The following ZBTB10 variants were observed in gnomAD, a reference collection of about 807,000 sequenced individuals.
ZBTB10 encodes the protein zinc finger and BTB domain-containing protein 10.
Under a neutral mutation model 76.4 loss-of-function variants are expected in ZBTB10, and 32 were observed. That is an observed-to-expected ratio of 0.42 (90% CI 0.32 to 0.56). The LOEUF is 0.56. ZBTB10 is among the 20% of genes least tolerant of loss of function. ZBTB10 has a pLI of 0.14. For missense variants in ZBTB10, 1,057 were observed against 1,098.5 expected (o/e 0.96, Z 0.53); for synonymous variants, 523 against 432.9 (o/e 1.21, Z -2.58).
At chr8:80,506,929 T>TGG (rs200533986) in intron 2 of ZBTB10, among the ~76,000 whole-genome samples, 1 of 149,718 alleles carries the variant, frequency 6.7e-6, no homozygotes, top group East Asian at 2.0e-4. Flanking sequence ...ATTAGCAACT[T>TGG]GGGGGGGTTC....
chr8:80,498,782 A>T (rs929318724), intron 1 of ZBTB10, among the ~76,000 whole-genome samples: 1 of 152,228 alleles, frequency 6.6e-6, no homozygotes, highest in Non-Finnish European at 1.5e-5. Context: ...GAATACCTGT[A>T]TGATAAGAAG....
chr8:80,486,879 C>G lies in ZBTB10; in HGVS notation c.69C>G (p.Gly23=). 1 of 1,513,204 alleles carries G rather than the reference C, an allele frequency of 6.6e-7. No individual in the cohort carries two copies. The highest frequency in any genetic ancestry group is 8.8e-7 in the Non-Finnish European group (1 of 1,132,970). The allele number at this position is 1,513,204 out of a possible 1,614,324, so 93.7% of individuals were successfully genotyped here. Residue 23 remains glycine (G), a synonymous_variant, in exon 1 of 6, where the codon GGC becomes GGG. Coordinates refer to ENST00000455036, the MANE Select transcript of ZBTB10 (RefSeq NM_001105539.3). ...FRGGGLVTAS[G]GGSTNNNAGG... ...GAGGCGGGTTGGTCACCGCTAGCGG[C>G]GGCGGCTCCACGAACAATAACGCTG...
intron 3 of ZBTB10, among the ~76,000 whole-genome samples, chr8:80,514,290 C>A (rs972867276): frequency 6.6e-6 from 1 of 152,014 alleles, no homozygotes; most frequent in Non-Finnish European, 1.5e-5. Flanking sequence ...TATATAGATA[C>A]GGAACGGAAA....
chr8:80,502,276 C>T (rs2131494303), intron 2 of ZBTB10, among the ~76,000 whole-genome samples: 1 of 152,296 alleles, frequency 6.6e-6, no homozygotes, highest in East Asian at 1.9e-4. Flanking sequence ...CACTCTGTTG[C>T]CCAGGCTGGA....
chr8:80,505,374 T>C (rs376122469), intron 2 of ZBTB10, among the ~76,000 whole-genome samples: 1 of 152,326 alleles, frequency 6.6e-6, no homozygotes, highest in East Asian at 1.9e-4. Context: ...TTCTAGTAAA[T>C]GCAGCAGTCG....
upstream of ZBTB10, chr8:80,485,908 G>C (rs1261495562): frequency 2.0e-6 from 3 of 1,531,534 alleles, no homozygotes; most frequent in Non-Finnish European, 8.7e-7. Context: ...CGGGGAGGCG[G>C]CCAGACCCTG....
rs1816542658 is a variant in ZBTB10, at chr8:80,525,444, A to G, written c.*5916A>G. On this transcript the variant is annotated 3_prime_UTR_variant, in exon 6 of 6. Coordinates refer to ENST00000455036, the MANE Select transcript of ZBTB10 (RefSeq NM_001105539.3). The stretch of plus-strand genomic sequence containing the variant: ...TAAATTTGGCAATAAGAAAAAGCTA[A>G]TCTTCCAAGTGTAAGTAGGTATGTG... 1 of 152,174 alleles carries G rather than the reference A, an allele frequency of 6.6e-6. No homozygotes were observed. 9.4% of individuals were successfully genotyped at this position (152,174 alleles called of 1,614,324 possible). A position where few individuals can be genotyped will look rare whatever the true frequency, so the allele number is the denominator to read the frequency against.
chr8:80,520,874 C>G lies in ZBTB10; in HGVS notation c.*1346C>G, dbSNP rs766859751. The G allele has an allele frequency of 3.9e-5, 6 of 151,918 alleles. No individual in the cohort carries two copies. The highest frequency in any genetic ancestry group is 8.8e-5 in the Non-Finnish European group (6 of 67,850). The allele number at this position is 151,918 out of a possible 1,614,324, so 9.4% of individuals were successfully genotyped here. A position where few individuals can be genotyped will look rare whatever the true frequency, so the allele number is the denominator to read the frequency against. ...TGACATGAATTAGCTGATTGTGGAACTCTCAGCAGCATTTCACGTATTGTT... is the reference window on the plus strand; with the variant it reads ...TGACATGAATTAGCTGATTGTGGAAGTCTCAGCAGCATTTCACGTATTGTT... On this transcript the variant is annotated 3_prime_UTR_variant, in exon 6 of 6. Coordinates refer to ENST00000455036, the MANE Select transcript of ZBTB10 (RefSeq NM_001105539.3).
intron 1 of ZBTB10, among the ~76,000 whole-genome samples, chr8:80,489,684 T>C (rs1397402575): frequency 6.6e-6 from 1 of 152,178 alleles, no homozygotes; most frequent in East Asian, 1.9e-4. Flanking sequence ...GGAAAAACCT[T>C]TCTAAACTTG....
intron 1 of ZBTB10, among the ~76,000 whole-genome samples, chr8:80,491,780 T>G (rs1425051255): frequency 6.6e-6 from 1 of 152,244 alleles, no homozygotes; most frequent in African/African-American, 2.4e-5. Flanking sequence ...CCAGTTATTC[T>G]TGGTTTAGAC....
At chr8:80,491,951 A>C (rs935313463) in intron 1 of ZBTB10, among the ~76,000 whole-genome samples, 8 of 152,238 alleles carry the variant, frequency 5.3e-5, no homozygotes, top group Non-Finnish European at 1.2e-4. Flanking sequence ...TGAAATTTCC[A>C]GTTGGAATAT....
intron 2 of ZBTB10, among the ~76,000 whole-genome samples, chr8:80,510,639 AGTGTGTGTGT>A (rs58749656): frequency 2.3e-4 from 29 of 125,784 alleles, no homozygotes; most frequent in South Asian, 1.7e-3. Context: ...TTGTGAAACC[AGTGTGTGTGT>A]GTGTGTGTGT....
intron 3 of ZBTB10, among the ~76,000 whole-genome samples, chr8:80,517,927 G>A (rs1364920013): frequency 7.7e-6 from 1 of 129,924 alleles, no homozygotes; most frequent in Non-Finnish European, 1.5e-5. Flanking sequence ...CGCCCTGGCT[G>A]GAGTGCAGTG....
At chr8:80,511,693 A>G (rs913152445) in intron 2 of ZBTB10, among the ~76,000 whole-genome samples, 1 of 152,170 alleles carries the variant, frequency 6.6e-6, no homozygotes, top group African/African-American at 2.4e-5. Context: ...AAACAAAACC[A>G]CTAAATTTCA....
intron 1 of ZBTB10, among the ~76,000 whole-genome samples, chr8:80,490,203 A>G (rs1464073466): frequency 2.0e-5 from 3 of 152,198 alleles, no homozygotes; most frequent in Non-Finnish European, 4.4e-5. Flanking sequence ...TTATGTATGC[A>G]AAGTATATGT....
At chr8:80,488,243 C>T (rs2131468308) in intron 1 of ZBTB10, among the ~76,000 whole-genome samples, 1 of 152,216 alleles carries the variant, frequency 6.6e-6, no homozygotes, top group South Asian at 2.1e-4. Flanking sequence ...TTAAGGCTAC[C>T]CCTTTCAGGA....
At chr8:80,495,913 G>C (rs1815771121) in intron 1 of ZBTB10, among the ~76,000 whole-genome samples, 1 of 152,100 alleles carries the variant, frequency 6.6e-6, no homozygotes, top group Non-Finnish European at 1.5e-5. Context: ...AAAAATTCAA[G>C]ATTTCATATT....
intron 2 of ZBTB10, among the ~76,000 whole-genome samples, chr8:80,505,802 T>C (rs1247235585): frequency 1.3e-5 from 2 of 152,038 alleles, no homozygotes; most frequent in African/African-American, 2.4e-5. Flanking sequence ...TGATCATGGC[T>C]TACAGAAACC....
intron 1 of ZBTB10, among the ~76,000 whole-genome samples, chr8:80,492,298 T>G (rs1815651422): frequency 6.6e-6 from 1 of 152,220 alleles, no homozygotes; most frequent in Non-Finnish European, 1.5e-5. Context: ...TAGGATTAGC[T>G]TCCTTCTCCA....
Sources: gnomAD v4.1 joint callset for allele counts (sites outside exome capture counted in the v4.1 genomes callset) on GRCh38, gnomAD v4.1.1 for gene constraint, MANE v1.5 for transcripts, NCBI Gene and HGNC (gene_info 2026-07-23, HGNC 2026-07-21) for gene names.